SOX6: variants seen among roughly 807,000 people sequenced by gnomAD.
SOX6 encodes SRY-box transcription factor 6.
A neutral mutation model predicts 97.8 loss-of-function variants in SOX6; 11 were observed. That is an observed-to-expected ratio of 0.11 (90% CI 0.07 to 0.19). The LOEUF is 0.19. Ranked by LOEUF, SOX6 falls within the 10% of genes least tolerant of loss-of-function variation. The pLI is 1.00. For missense variants in SOX6, 810 were observed against 1,039.5 expected (o/e 0.78, Z 3.04); for synonymous variants, 360 against 371.4 (o/e 0.97, Z 0.35).
In SOX6 at chr11:15,968,823, C is replaced by T. The variant is rs1302645089; in HGVS notation, c.*3986G>A. On this transcript the variant is annotated 3_prime_UTR_variant, in exon 16 of 16. Transcript: ENST00000683767. ...TGGCAAATCAAATCAGGCCTGAGGA[C>T]AAGGCTGGAGAGTATCAAATACCTA... 1 of 152,206 alleles carries T rather than the reference C, an allele frequency of 6.6e-6. No individual in the cohort carries two copies. The highest frequency in any genetic ancestry group is 6.5e-5 in the Admixed American group (1 of 15,268). The allele number at this position is 152,206 out of a possible 1,614,324, so 9.4% of individuals were successfully genotyped here.
chr11:16,220,075 T>C (rs966517888), intron 4 of SOX6, among the ~76,000 whole-genome samples: 5 of 152,098 alleles, frequency 3.3e-5, no homozygotes, highest in Admixed American at 2.6e-4. Context: ...TTTCATAATT[T>C]TGTGTTCACT....
chr11:16,081,015 G>A (rs936930220), intron 9 of SOX6, among the ~76,000 whole-genome samples: 5 of 152,052 alleles, frequency 3.3e-5, no homozygotes, highest in African/African-American at 9.7e-5. Context: ...CTTGTGCTCA[G>A]GAGTTCAAGG....
intron 6 of SOX6, among the ~76,000 whole-genome samples, chr11:16,113,908 T>C (rs1849284907): frequency 6.6e-6 from 1 of 152,142 alleles, no homozygotes; most frequent in African/African-American, 2.4e-5. Flanking sequence ...GGATTAAGAC[T>C]GAATGGTTAA....
chr11:16,442,433 A>T (rs1859521305), intron 1 of SOX6, among the ~76,000 whole-genome samples: 1 of 152,226 alleles, frequency 6.6e-6, no homozygotes, highest in Non-Finnish European at 1.5e-5. Flanking sequence ...GTAACACAGA[A>T]ATGAAGAAAC....
At chr11:16,443,469 C>G (rs957499087) in intron 1 of SOX6, among the ~76,000 whole-genome samples, 8 of 152,122 alleles carry the variant, frequency 5.3e-5, no homozygotes, top group Admixed American at 6.5e-5. Context: ...TGTTGTAAAC[C>G]AACCACAGTG....
At chr11:16,697,542 G>A (rs967739099) in intron 3 of SOX6, among the ~76,000 whole-genome samples, 1 of 152,160 alleles carries the variant, frequency 6.6e-6, no homozygotes, top group Non-Finnish European at 1.5e-5. Context: ...GCTGAGGCAG[G>A]AGAATTGCTT....
intron 4 of SOX6, among the ~76,000 whole-genome samples, chr11:16,226,982 A>C (rs754157951): frequency 2.0e-5 from 3 of 152,234 alleles, no homozygotes; most frequent in Non-Finnish European, 4.4e-5. Context: ...TAAGCAGAGT[A>C]TTCAGAGACC....
In SOX6 at chr11:15,989,218, A is replaced by G; in HGVS notation, c.1745T>C (p.Met582Thr). Reference sequence around the variant, plus strand: ...CTGTAGTTTAGCTGCAGAGCCATTCATTGCTTTACTTCCTGTAATGTCAGG... The same window carrying G: ...CTGTAGTTTAGCTGCAGAGCCATTCGTTGCTTTACTTCCTGTAATGTCAGG... ...RPEDAEGSKA[M>T]NGSAAKLQQY... is the part of the protein sequence containing the mutation. Residue 582 changes from methionine (M) to threonine (T), a missense_variant, in exon 14 of 16, where the codon ATG (methionine) becomes ACG (threonine). Transcript: ENST00000683767. The G allele has an allele frequency of 1.2e-6, 2 of 1,604,246 alleles. No homozygotes were observed. The highest frequency in any genetic ancestry group is 1.1e-5 in the South Asian group (1 of 90,526).
In SOX6 at chr11:16,733,870, CA is replaced by C. The variant is rs568990835; in HGVS notation, n.353+2468del. ...TGAAACCCCATCTCTACTAAAAATA[CA>C]AAAAAATTAGCCGGGCATGGTGGCA... On this transcript the variant is annotated intron_variant and non_coding_transcript_variant, in intron 2 of 5. Transcript: ENST00000524520. Among the ~76,000 whole-genome samples the C allele has an allele frequency of 5.4e-3, 817 of 150,858 alleles. 9 individuals carry two copies. Among genetic ancestry groups the C allele is most frequent in the African/African-American group, 0.018 (722 of 41,158 alleles).
At chr11:15,996,429 G>T (rs1854229709) in intron 13 of SOX6, among the ~76,000 whole-genome samples, 1 of 152,094 alleles carries the variant, frequency 6.6e-6, no homozygotes, top group South Asian at 2.1e-4. Context: ...AGGAGTTCAA[G>T]ACCAGCCTGG....
chr11:16,094,154 C>T (rs1848747081), intron 9 of SOX6, among the ~76,000 whole-genome samples: 1 of 151,882 alleles, frequency 6.6e-6, no homozygotes, highest in Non-Finnish European at 1.5e-5. Context: ...CCTGTTTAGC[C>T]TAATTAAAGT....
intron 4 of SOX6, among the ~76,000 whole-genome samples, chr11:16,217,309 G>A (rs1375766081): frequency 6.6e-6 from 1 of 152,130 alleles, no homozygotes; most frequent in South Asian, 2.1e-4. Context: ...TGTTTGAACA[G>A]TAGAGGTGGT....
At chr11:16,405,658 G>T (rs1177748051) in intron 1 of SOX6, among the ~76,000 whole-genome samples, 3 of 152,122 alleles carry the variant, frequency 2.0e-5, no homozygotes, top group East Asian at 3.9e-4. Flanking sequence ...AAAGCACAAT[G>T]AATTAAAGAA....
chr11:16,324,510 A>C (rs978353408), intron 2 of SOX6, among the ~76,000 whole-genome samples: 46 of 152,258 alleles, frequency 3.0e-4, no homozygotes, highest in African/African-American at 1.1e-3. Context: ...AATTTAATGA[A>C]ATGTGGGAAT....
At chr11:16,435,550 C>CA (rs1314977112) in intron 1 of SOX6, among the ~76,000 whole-genome samples, 5 of 151,124 alleles carry the variant, frequency 3.3e-5, no homozygotes, top group East Asian at 1.9e-4. Flanking sequence ...TAGGAAGAGG[C>CA]AAAAAAAAGA....
At chr11:16,187,840 G>A (rs1012310925) in intron 4 of SOX6, among the ~76,000 whole-genome samples, 23 of 152,204 alleles carry the variant, frequency 1.5e-4, no homozygotes, top group African/African-American at 4.1e-4. Flanking sequence ...GCATTTTACC[G>A]CAGCATAAGA....
At chr11:16,730,578 T>C (rs1848341983) in intron 2 of SOX6, among the ~76,000 whole-genome samples, 2 of 152,182 alleles carry the variant, frequency 1.3e-5, no homozygotes, top group Admixed American at 1.3e-4. Context: ...CCAGAATCTC[T>C]GGGACATAGC....
intron 3 of SOX6, among the ~76,000 whole-genome samples, chr11:16,265,916 T>TA (rs34752397): frequency 6.6e-6 from 1 of 151,480 alleles, no homozygotes; most frequent in African/African-American, 2.4e-5. Context: ...ACAGAAAATG[T>TA]AAAAAAAAAT....
intron 4 of SOX6, among the ~76,000 whole-genome samples, chr11:16,578,725 G>A (rs1003320824): frequency 6.6e-6 from 1 of 152,092 alleles, no homozygotes; most frequent in African/African-American, 2.4e-5. Flanking sequence ...AGAAAGAGGA[G>A]TGCAGAGAAA....
Sources: allele counts gnomAD v4.1 joint callset (sites outside exome capture counted in the v4.1 genomes callset), GRCh38; gene constraint gnomAD v4.1.1; transcripts MANE v1.5; gene names NCBI Gene and HGNC (gene_info 2026-07-23, HGNC 2026-07-21).